Variants in ADGRL3 observed in about 807,000 individuals in gnomAD.
ADGRL3 encodes calcium-independent alpha-latrotoxin receptor 3.
Under a neutral mutation model 153.5 loss-of-function variants are expected in ADGRL3, and 62 were observed. The ratio of observed to expected loss-of-function variants is 0.40; its 90% CI spans 0.33 to 0.50. The LOEUF (loss-of-function observed/expected upper bound fraction) is 0.50. Among genes scored for constraint, ADGRL3 ranks in the 20% least tolerant of loss-of-function variants. The pLI, the probability that ADGRL3 is intolerant of heterozygous loss-of-function variation, is 0.47. For missense variants in ADGRL3, 1,641 were observed against 1,859.4 expected (o/e 0.88, Z 2.16); for synonymous variants, 710 against 672.5 (o/e 1.06, Z -0.86).
rs143620868 is a variant in ADGRL3 at position 61,514,667 on chromosome 4, A to T, written c.56-2648A>T. 2.0e-5 allele frequency among the ~76,000 whole-genome samples: 3 copies of T among 152,220 alleles called. No homozygotes were observed. In the East Asian group the frequency reaches 5.8e-4, roughly 30 times the overall value. On this transcript the variant is annotated intron_variant, in intron 3 of 26. Coordinates refer to ENST00000683033, the MANE Select transcript of ADGRL3 (RefSeq NM_001387552.1). Reference sequence around the variant, plus strand: ...AGTGTATGAACTACAGACACATAAGATACTTTGGTTTCATAGAACACATCA... The same window carrying T: ...AGTGTATGAACTACAGACACATAAGTTACTTTGGTTTCATAGAACACATCA...
Position 61,255,445 on chromosome 4 carries a change from T to A in ADGRL3, c.-240+53680T>A, listed in dbSNP as rs80178714. The stretch of plus-strand genomic sequence containing the variant: ...ATGAGTGAACTTGGCAATTGCCTTG[T>A]TAAAACCAGTTGGACGTTATCTTCC... On this transcript the variant is annotated intron_variant, in intron 1 of 26. Transcript: ENST00000683033. Among the ~76,000 whole-genome samples, 12 of 152,290 alleles carry A rather than the reference T, an allele frequency of 7.9e-5. No individual in the cohort carries two copies. The East Asian group carries it at 2.3e-3, about 29-fold the overall frequency.
At chr4:61,364,429 A>G (rs773603709) in intron 1 of ADGRL3, among the ~76,000 whole-genome samples, 2 of 152,006 alleles carry the variant, frequency 1.3e-5, no homozygotes, top group Non-Finnish European at 2.9e-5. Flanking sequence ...TAATGGTATC[A>G]CTGTATTGAG....
chr4:61,369,398 T>C (rs1014756816), intron 1 of ADGRL3, among the ~76,000 whole-genome samples: 7 of 152,056 alleles, frequency 4.6e-5, no homozygotes, highest in Admixed American at 3.3e-4. Context: ...TTTTGAGATA[T>C]GTCCCATCAA....
At chr4:61,590,199 A>G (rs1173908415) in intron 5 of ADGRL3, among the ~76,000 whole-genome samples, 1 of 152,128 alleles carries the variant, frequency 6.6e-6, no homozygotes, top group Non-Finnish European at 1.5e-5. Context: ...TGCCTTGTCT[A>G]AAGCAAATTG....
At chr4:61,389,943 C>T (rs914202896) in intron 2 of ADGRL3, among the ~76,000 whole-genome samples, 1 of 152,074 alleles carries the variant, frequency 6.6e-6, no homozygotes, top group Admixed American at 6.6e-5. Context: ...GCTGTGAAGC[C>T]ATGAACAGCA....
rs116004489 is a variant in ADGRL3, at chr4:61,391,746, T to C, written c.-174+8557T>C. 4.0e-3 allele frequency among the ~76,000 whole-genome samples: 614 copies of C among 152,202 alleles called. 6 individuals carry two copies. Among genetic ancestry groups the C allele is most frequent in the African/African-American group, 0.014 (576 of 41,520 alleles). Reference sequence around the variant, plus strand: ...TGGTATGCAGAAAGTTTTATCTTCTTCAAACACTGGATTTTGTTAATTTTT... The same window carrying C: ...TGGTATGCAGAAAGTTTTATCTTCTCCAAACACTGGATTTTGTTAATTTTT... On this transcript the variant is annotated intron_variant, in intron 2 of 26. Transcript: ENST00000683033.
chr4:61,405,102 T>C (rs1315794528), intron 2 of ADGRL3, among the ~76,000 whole-genome samples: 1 of 152,002 alleles, frequency 6.6e-6, no homozygotes, highest in Admixed American at 6.6e-5. Flanking sequence ...TGGAATGAAA[T>C]GAAATTCATT....
At chr4:61,451,184 A>G (rs1036676848) in intron 2 of ADGRL3, among the ~76,000 whole-genome samples, 2 of 152,162 alleles carry the variant, frequency 1.3e-5, no homozygotes, top group African/African-American at 4.8e-5. Context: ...GATAAAATAG[A>G]TGACTCAAAT....
intron 2 of ADGRL3, among the ~76,000 whole-genome samples, chr4:61,419,390 G>T (rs777992578): frequency 2.0e-4 from 30 of 150,702 alleles, no homozygotes; most frequent in Non-Finnish European, 4.1e-4. Flanking sequence ...ACTTATTCCA[G>T]TTCAGGGTCG....
chr4:61,281,550 A>T (rs2093725312), intron 1 of ADGRL3, among the ~76,000 whole-genome samples: 1 of 152,148 alleles, frequency 6.6e-6, no homozygotes, highest in South Asian at 2.1e-4. Context: ...TTAAGTTACT[A>T]ACAGGTGTGG....
rs7687800 is a variant in ADGRL3, at chr4:61,735,440, G to A, written c.1399+1886G>A. 2.6e-3 allele frequency among the ~76,000 whole-genome samples: 392 copies of A among 152,224 alleles called. 3 individuals are homozygous for A. Among genetic ancestry groups the A allele is most frequent in the African/African-American group, 8.4e-3 (347 of 41,542 alleles). ...CAAAATCTCCTAGACCAACTCTATT[G>A]TCTGACTCACCGCTGTACAGGTAAG... is the stretch of plus-strand genomic sequence containing the variant. On this transcript the variant is annotated intron_variant, in intron 8 of 26. Transcript: ENST00000683033.
rs139608716 is a variant in ADGRL3, at chr4:61,449,338, T to C, written c.-173-47783T>C. Among the ~76,000 whole-genome samples, 1,756 of 152,144 alleles carry C rather than the reference T, an allele frequency of 0.012. 131 individuals carry two copies. The East Asian group carries it at 0.22, about 19-fold the overall frequency. ...TTTTAGGAGAGACGGGGTTTCACCA[T>C]GTTGTCCAGGATGGTCTCGATTTCC... is the stretch of plus-strand genomic sequence containing the variant. On this transcript the variant is annotated intron_variant, in intron 2 of 26. Coordinates refer to ENST00000683033, the MANE Select transcript of ADGRL3 (RefSeq NM_001387552.1).
In ADGRL3 at chr4:61,917,635, A is replaced by G. The variant is rs757858531; in HGVS notation, c.2112+4878A>G. On this transcript the variant is annotated intron_variant, in intron 13 of 26. Coordinates refer to ENST00000683033, the MANE Select transcript of ADGRL3 (RefSeq NM_001387552.1). ...CATGTGATTTTCTGTCTTTCTTATT[A>G]TAGCCATGCTAGTATTTGTGAATTG... Among the ~76,000 whole-genome samples, 26 of 148,630 alleles carry G rather than the reference A, an allele frequency of 1.7e-4. 1 individual carries two copies. The highest frequency in any genetic ancestry group is 4.2e-4 in the South Asian group (2 of 4,818).
At chr4:61,351,647 T>C (rs751644759) in intron 1 of ADGRL3, among the ~76,000 whole-genome samples, 5 of 152,044 alleles carry the variant, frequency 3.3e-5, no homozygotes, top group African/African-American at 4.8e-5. Flanking sequence ...ATGCTAAATC[T>C]ACTGTGCCTG....
chr4:61,721,008 T>C (rs1290461704), intron 6 of ADGRL3, among the ~76,000 whole-genome samples: 3 of 152,024 alleles, frequency 2.0e-5, no homozygotes, highest in African/African-American at 7.2e-5. Context: ...AATAAGATAA[T>C]AGAGGAAGTA....
intron 8 of ADGRL3, among the ~76,000 whole-genome samples, chr4:61,737,071 CTTT>C: frequency 6.9e-6 from 1 of 145,538 alleles, no homozygotes; most frequent in East Asian, 2.0e-4. Flanking sequence ...ATTACATTGA[CTTT>C]TTTTTTTTTC....
At chr4:61,768,163 C>T (rs1431753111) in intron 8 of ADGRL3, among the ~76,000 whole-genome samples, 1 of 152,076 alleles carries the variant, frequency 6.6e-6, no homozygotes, top group Non-Finnish European at 1.5e-5. Context: ...TTAACCTTGA[C>T]TATGCCTTTG....
In ADGRL3 at chr4:62,071,662, T is replaced by C. The variant is rs1175285801; in HGVS notation, c.*754T>C. The C allele has an allele frequency of 2.6e-6, 1 of 387,892 alleles. No individual in the cohort carries two copies. The highest frequency in any genetic ancestry group is 4.9e-6 in the Non-Finnish European group (1 of 202,420). 24.0% of individuals were successfully genotyped at this position (387,892 alleles called of 1,614,324 possible). ...GAAAAAAAAAAAAGAAATTTTCTTTTTCTTTTGTGCTGGTCTTGCAAGTTT... is the reference window on the plus strand; with the variant it reads ...GAAAAAAAAAAAAGAAATTTTCTTTCTCTTTTGTGCTGGTCTTGCAAGTTT... On this transcript the variant is annotated 3_prime_UTR_variant, in exon 27 of 27. Transcript: ENST00000683033.
chr4:61,724,280 A>C (rs1334767128), intron 6 of ADGRL3, among the ~76,000 whole-genome samples: 4 of 152,230 alleles, frequency 2.6e-5, no homozygotes, highest in African/African-American at 7.2e-5. Flanking sequence ...ATTTTTACTA[A>C]AGCTATTATA....
Sources: allele counts gnomAD v4.1 joint callset (sites outside exome capture counted in the v4.1 genomes callset), GRCh38; gene constraint gnomAD v4.1.1; transcripts MANE v1.5; gene names NCBI Gene and HGNC (gene_info 2026-07-23, HGNC 2026-07-21).